Variants in APBA1 observed in about 807,000 individuals in gnomAD.
The protein encoded by APBA1 is amyloid beta precursor protein binding family A member 1.
In APBA1, 55 loss-of-function variants were observed where a neutral mutation model predicts 86.6. The ratio of observed to expected loss-of-function variants is 0.64; its 90% confidence interval spans 0.51 to 0.80. The LOEUF (loss-of-function observed/expected upper bound fraction) is 0.80, where lower values mean the gene tolerates loss of function less well. APBA1 is among the 30% of genes least tolerant of loss of function. The pLI is 0.00. For synonymous variants in APBA1, 511 were observed against 493.9 expected (o/e 1.03, Z -0.46); for missense variants, 1,090 against 1,183.0 (o/e 0.92, Z 1.15).
At chr9:69,621,883 G>A (rs1822826394) in intron 1 of APBA1, among the ~76,000 whole-genome samples, 1 of 152,194 alleles carries the variant, frequency 6.6e-6, no homozygotes. Flanking sequence ...AAATAAAGCA[G>A]TTAATTGGAA....
chr9:69,504,130 G>T (rs1310217098), intron 2 of APBA1, among the ~76,000 whole-genome samples: 2 of 151,932 alleles, frequency 1.3e-5, no homozygotes, highest in African/African-American at 4.8e-5. Context: ...GATCATTCTT[G>T]TTTTTATTTC....
chr9:69,504,863 T>C (rs1460539475), intron 2 of APBA1, among the ~76,000 whole-genome samples: 1 of 150,702 alleles, frequency 6.6e-6, no homozygotes, highest in African/African-American at 2.4e-5. Context: ...GGAGGAGGAG[T>C]CGCCTAGCTT....
At chr9:69,653,548 C>A (rs1268862421) in intron 1 of APBA1, among the ~76,000 whole-genome samples, 2 of 152,106 alleles carry the variant, frequency 1.3e-5, no homozygotes, top group Non-Finnish European at 2.9e-5. Context: ...CCAGGATAGA[C>A]CACATGTTAA....
At chr9:69,631,795 C>A (rs1045434917) in intron 1 of APBA1, among the ~76,000 whole-genome samples, 7 of 152,156 alleles carry the variant, frequency 4.6e-5, no homozygotes, top group Non-Finnish European at 1.0e-4. Context: ...TCTCAGCAAA[C>A]TATCTCAAGG....
rs1272205126 is a variant in APBA1 at position 69,453,857 on chromosome 9, C to G, written c.1789-1556G>C. ...TTATCAGCCACCTGACTTCAAAAAT[C>G]CCTTTTGTTTCTCAGAGCTTTCTAG... On this transcript the variant is annotated intron_variant, in intron 8 of 12. Transcript: ENST00000265381. Among the ~76,000 whole-genome samples the G allele has an allele frequency of 2.0e-5, 3 of 152,324 alleles. No homozygotes were observed. In the South Asian group the frequency reaches 6.2e-4, roughly 32 times the overall value.
intron 1 of APBA1, among the ~76,000 whole-genome samples, chr9:69,594,529 G>C (rs1490529259): frequency 1.3e-5 from 2 of 152,162 alleles, no homozygotes; most frequent in African/African-American, 4.8e-5. Context: ...GTGAGGGAAA[G>C]GAAGGATGAC....
chr9:69,471,464 G>A (rs545108403), intron 4 of APBA1, among the ~76,000 whole-genome samples, 192 bp downstream of exon 4: 54 of 152,282 alleles, frequency 3.5e-4, no homozygotes, highest in African/African-American at 1.2e-3. Flanking sequence ...GAGCAAAGAC[G>A]TGAGGAGGAT....
At chr9:69,524,742 C>A (rs1213217801) in intron 1 of APBA1, among the ~76,000 whole-genome samples, 1 of 151,994 alleles carries the variant, frequency 6.6e-6, no homozygotes, top group Admixed American at 6.6e-5. Flanking sequence ...CAAAGCCAGC[C>A]ATTATCCTGA....
rs1350201687 is a variant in APBA1, at chr9:69,517,077, TGCTGCTGCGGCG to T, written c.122_133del (p.Pro41_Gln44del). ...GCGCTGGTGGCGGCCCACATAGTGC[TGCTGCTGCGGCG>T]GCTGCTGCTGTTCCTCTTCCACCTC... On this transcript the variant is annotated inframe_deletion, in exon 2 of 13. Transcript: ENST00000265381. 6.3e-7 allele frequency: 1 copy of T among 1,585,120 alleles called. No homozygotes were observed. Among genetic ancestry groups the T allele is most frequent in the Non-Finnish European group, 8.5e-7 (1 of 1,171,052 alleles).
intron 2 of APBA1, among the ~76,000 whole-genome samples, chr9:69,515,027 A>G (rs1836112540): frequency 6.6e-6 from 1 of 152,258 alleles, no homozygotes; most frequent in Non-Finnish European, 1.5e-5. Context: ...GATATAAGGC[A>G]GTTCTCAAAT....
intron 1 of APBA1, among the ~76,000 whole-genome samples, chr9:69,624,181 G>A (rs980026504): frequency 1.3e-5 from 2 of 152,088 alleles, no homozygotes; most frequent in Admixed American, 6.5e-5. Flanking sequence ...ATATAATAAA[G>A]AGCAGCACGA....
Position 69,539,745 on chromosome 9 carries a change from C to A in APBA1, c.-69-22466G>T, listed in dbSNP as rs575417661. 3.3e-5 allele frequency among the ~76,000 whole-genome samples: 5 copies of A among 152,308 alleles called. No individual in the cohort carries two copies. The East Asian group carries it at 9.7e-4, about 29-fold the overall frequency. ...ATGACAATACCTGCTTTGCACTCTC[C>A]TTTCCCTCTGCCTCTACTGATCTTC... On this transcript the variant is annotated intron_variant, in intron 1 of 12. Transcript: ENST00000265381.
intron 1 of APBA1, among the ~76,000 whole-genome samples, chr9:69,635,109 A>G (rs1056101787): frequency 5.9e-5 from 9 of 152,194 alleles, no homozygotes; most frequent in African/African-American, 1.9e-4. Flanking sequence ...GTGTATAAGT[A>G]TATCTTGAGT....
At chr9:69,560,440 T>C (rs1836930823) in intron 1 of APBA1, among the ~76,000 whole-genome samples, 1 of 152,184 alleles carries the variant, frequency 6.6e-6, no homozygotes, top group African/African-American at 2.4e-5. Context: ...TATGGAGACC[T>C]GGATTTGAAT....
At chr9:69,545,514 C>T (rs1278012520) in intron 1 of APBA1, among the ~76,000 whole-genome samples, 1 of 152,226 alleles carries the variant, frequency 6.6e-6, no homozygotes. Flanking sequence ...CACAGGATCA[C>T]ATCAGGCAGG....
intron 1 of APBA1, among the ~76,000 whole-genome samples, chr9:69,631,966 G>A (rs1244211794): frequency 3.3e-5 from 5 of 151,964 alleles, no homozygotes; most frequent in Admixed American, 1.3e-4. Context: ...GTTAACGGGT[G>A]CAGCAAACCA....
intron 2 of APBA1, among the ~76,000 whole-genome samples, chr9:69,511,476 T>A (rs59998148): frequency 1.3e-5 from 2 of 151,984 alleles, no homozygotes; most frequent in Admixed American, 1.3e-4. Flanking sequence ...CTGTTGGTGG[T>A]ACTGTAAACT....
chr9:69,432,743 C>T (rs1245754838), intron 11 of APBA1, 67 bp from the exon 12 acceptor site: 2 of 1,379,346 alleles, frequency 1.4e-6, no homozygotes, highest in Non-Finnish European at 1.9e-6. Context: ...GGCCGTCTTT[C>T]CTGAAAGCCC....
chr9:69,470,108 A>C (rs553669810), intron 4 of APBA1, among the ~76,000 whole-genome samples: 1 of 152,354 alleles, frequency 6.6e-6, no homozygotes, highest in East Asian at 1.9e-4. Flanking sequence ...CACAAATATC[A>C]GACCTAAACA....
Sources: gnomAD v4.1 joint callset for allele counts (sites outside exome capture counted in the v4.1 genomes callset) on GRCh38, gnomAD v4.1.1 for gene constraint, MANE v1.5 for transcripts, NCBI Gene and HGNC (gene_info 2026-07-23, HGNC 2026-07-21) for gene names.